Variants in LONP2 observed in about 807,000 individuals in gnomAD.
LONP2 encodes lon protease homolog 2, peroxisomal.
A neutral mutation model predicts 85.6 loss-of-function variants in LONP2; 60 were observed. The observed-to-expected ratio is 0.70, with a 90% CI of 0.57 to 0.87. The LOEUF (loss-of-function observed/expected upper bound fraction) is 0.87, where lower values mean the gene tolerates loss of function less well. Ranked by LOEUF, LONP2 falls within the 40% of genes least tolerant of loss-of-function variation. LONP2 has a pLI of 0.00. For missense variants in LONP2, 860 were observed against 1,063.5 expected, an observed-to-expected ratio of 0.81 and a Z score of 2.66; for synonymous variants, 395 against 389.7, an observed-to-expected ratio of 1.01 and a Z score of -0.16.
chr16:48,260,888 G>C (rs961738858), intron 4 of LONP2, among the ~76,000 whole-genome samples: 4 of 152,156 alleles, frequency 2.6e-5, no homozygotes, highest in Non-Finnish European at 5.9e-5. Context: ...AACTTCACAA[G>C]AAAGGAAGTA....
At chr16:48,350,183 T>A (rs746422077) in intron 14 of LONP2, among the ~76,000 whole-genome samples, 3 of 152,106 alleles carry the variant, frequency 2.0e-5, no homozygotes, top group Non-Finnish European at 4.4e-5. Flanking sequence ...GTTAGGAGTT[T>A]GAGACCAGCC....
chr16:48,276,083 GT>G (rs1307696792), intron 7 of LONP2, among the ~76,000 whole-genome samples: 1 of 152,152 alleles, frequency 6.6e-6, no homozygotes, highest in African/African-American at 2.4e-5. Context: ...AAATCTGTAA[GT>G]TCTCTAGAAA....
intron 1 of LONP2, among the ~76,000 whole-genome samples, chr16:48,245,660 C>T (rs113919713): frequency 1.8e-3 from 280 of 152,304 alleles, no homozygotes; most frequent in African/African-American, 6.4e-3. Flanking sequence ...GTGTACAATA[C>T]ACGCCAGATT....
intron 11 of LONP2, among the ~76,000 whole-genome samples, chr16:48,316,382 A>G (rs993166373): frequency 6.5e-5 from 9 of 138,182 alleles, no homozygotes; most frequent in African/African-American, 2.5e-4. Flanking sequence ...GCTGGCATGC[A>G]GTGGCGTGAC....
rs968319956 is a variant in LONP2 at position 48,348,080 on chromosome 16, T to A, written c.2147-20T>A. 3 of 1,571,756 alleles carry A rather than the reference T, an allele frequency of 1.9e-6. No individual in the cohort carries two copies. In the African/African-American group the frequency reaches 4.2e-5, roughly 22 times the overall value. ...CAGGTTTAATTTTTCTACATTAAAG[T>A]CCCTTTTTCCTTTTTAAAGCTTTTG... On this transcript the variant is annotated intron_variant, in intron 13 of 14. Transcript: ENST00000285737.
chr16:48,279,259 G>A (rs989532210), intron 8 of LONP2, among the ~76,000 whole-genome samples: 1 of 152,092 alleles, frequency 6.6e-6, no homozygotes, highest in African/African-American at 2.4e-5. Flanking sequence ...ATATTTAATA[G>A]TAAGGGACAA....
intron 8 of LONP2, among the ~76,000 whole-genome samples, chr16:48,285,368 A>G (rs1972417487): frequency 6.6e-6 from 1 of 152,024 alleles, no homozygotes; most frequent in Non-Finnish European, 1.5e-5. Flanking sequence ...ATGTGTAGGT[A>G]AATGTTTTTC....
chr16:48,289,810 C>T (rs1035020396), intron 8 of LONP2, among the ~76,000 whole-genome samples: 1 of 152,174 alleles, frequency 6.6e-6, no homozygotes, highest in African/African-American at 2.4e-5. Flanking sequence ...TCATTTTCCA[C>T]TTTTGTGACC....
In LONP2 at chr16:48,347,619, C is replaced by G; in HGVS notation, c.2051C>G (p.Thr684Ser). Residue 684 changes from threonine to serine, a missense_variant, in exon 13 of 15, where the codon ACT becomes AGT. Around this residue, in one of 3 missense-constraint regions of LONP2, gnomAD observed 743 missense variants for 917.3 expected, o/e 0.81. Coordinates refer to ENST00000285737, the MANE Select transcript of LONP2 (RefSeq NM_031490.5). The stretch of plus-strand genomic sequence containing the variant: ...CGAATGGATGGCGAGGGCCAGTTAA[C>G]TCTGACCGGCCAGCTCGGGGACGTG... ...ASRMDGEGQL[T>S]LTGQLGDVMK... 2 of 1,614,250 alleles carry G rather than the reference C, an allele frequency of 1.2e-6. No homozygotes were observed. Among genetic ancestry groups the G allele is most frequent in the Non-Finnish European group, 1.7e-6 (2 of 1,180,044 alleles).
intron 6 of LONP2, among the ~76,000 whole-genome samples, chr16:48,269,200 GT>G (rs749826185): frequency 0.014 from 1,785 of 125,730 alleles, 23 homozygotes; most frequent in African/African-American, 0.035. Flanking sequence ...TACATCATCT[GT>G]TTTTTTTTTT....
intron 4 of LONP2, among the ~76,000 whole-genome samples, chr16:48,259,878 C>G (rs916314647): frequency 1.3e-5 from 2 of 152,194 alleles, no homozygotes. Context: ...GCAACTTACT[C>G]TCAGTAAAGT....
chr16:48,333,961 A>G (rs566214591), intron 11 of LONP2, among the ~76,000 whole-genome samples: 3 of 152,364 alleles, frequency 2.0e-5, no homozygotes, highest in Admixed American at 2.0e-4. Flanking sequence ...CTTACACTTT[A>G]ATGGGGGAGA....
At chr16:48,314,971 C>A (rs1270659658) in intron 11 of LONP2, among the ~76,000 whole-genome samples, 1 of 152,116 alleles carries the variant, frequency 6.6e-6, no homozygotes, top group Non-Finnish European at 1.5e-5. Context: ...TCCTTTCCAA[C>A]GTTATACCTT....
chr16:48,327,736 G>T (rs1266424800), intron 11 of LONP2, among the ~76,000 whole-genome samples: 1 of 152,154 alleles, frequency 6.6e-6, no homozygotes, highest in African/African-American at 2.4e-5. Context: ...GGGATTATAG[G>T]TGTGAACCAC....
At chr16:48,294,140 C>G (rs368363452) in intron 8 of LONP2, among the ~76,000 whole-genome samples, 2 of 152,004 alleles carry the variant, frequency 1.3e-5, no homozygotes, top group Non-Finnish European at 2.9e-5. Flanking sequence ...AGAGTTTCAC[C>G]ATGTTGGCTA....
downstream of LONP2, among the ~76,000 whole-genome samples, chr16:48,358,640 T>C (rs60747434): frequency 0.017 from 2,555 of 152,000 alleles, 58 homozygotes; most frequent in African/African-American, 0.057. Flanking sequence ...CTGGGCAACA[T>C]AGCGAGACCC....
At chr16:48,282,574 T>A (rs762595192) in intron 8 of LONP2, among the ~76,000 whole-genome samples, 1 of 152,194 alleles carries the variant, frequency 6.6e-6, no homozygotes, top group East Asian at 1.9e-4. Context: ...TATGATGATC[T>A]GTTATCAGTG....
chr16:48,318,969 T>C (rs1214250966), intron 11 of LONP2, among the ~76,000 whole-genome samples: 1 of 150,984 alleles, frequency 6.6e-6, no homozygotes, highest in Non-Finnish European at 1.5e-5. Context: ...GTGCTTTTGA[T>C]CCTTTCAGCT....
intron 11 of LONP2, among the ~76,000 whole-genome samples, chr16:48,332,900 T>A (rs930998319): frequency 6.8e-6 from 1 of 147,936 alleles, no homozygotes; most frequent in African/African-American, 2.6e-5. Context: ...AGAGCGAGAC[T>A]CTGTCTCAAA....
Sources: gnomAD v4.1 joint callset for allele counts (sites outside exome capture counted in the v4.1 genomes callset) on GRCh38, gnomAD v4.1.1 for gene constraint, gnomAD v4.1.1 regional missense constraint, MANE v1.5 for transcripts, NCBI Gene and HGNC (gene_info 2026-07-23, HGNC 2026-07-21) for gene names.